Variants in GRAMD1B observed in about 807,000 individuals in gnomAD.
GRAMD1B encodes protein Aster-B.
Under a neutral mutation model 99.7 loss-of-function variants are expected in GRAMD1B, and 37 were observed. The observed-to-expected ratio is 0.37, with a 90% CI of 0.29 to 0.49. The LOEUF (loss-of-function observed/expected upper bound fraction) is 0.49. GRAMD1B is among the 20% of genes least tolerant of loss of function. The pLI, the probability that GRAMD1B is intolerant of heterozygous loss-of-function variation, is 0.98. For synonymous variants in GRAMD1B, 427 were observed against 387.6 expected, an observed-to-expected ratio of 1.10 and a Z score of -1.19; for missense variants, 888 against 1,009.2, an observed-to-expected ratio of 0.88 and a Z score of 1.63.
chr11:123,394,674 C>CAAG (rs1947397542), intron 1 of GRAMD1B, among the ~76,000 whole-genome samples: 1 of 152,204 alleles, frequency 6.6e-6, no homozygotes, highest in Admixed American at 6.5e-5. Flanking sequence ...ATGTACCTGT[C>CAAG]TTGTTCCCTG....
intron 11 of GRAMD1B, 51 bp downstream of exon 11, chr11:123,606,849 T>C: frequency 5.6e-6 from 8 of 1,416,404 alleles, no homozygotes; most frequent in Non-Finnish European, 7.9e-6. Context: ...TTTTGAAGGC[T>C]AAAAGGAGAT....
intron 2 of GRAMD1B, among the ~76,000 whole-genome samples, chr11:123,503,957 A>C: frequency 6.6e-6 from 1 of 152,184 alleles, no homozygotes; most frequent in East Asian, 1.9e-4. Flanking sequence ...AAGCTTAGAG[A>C]AGTTTCATAA....
At chr11:123,408,337 C>T (rs1013800212) in intron 1 of GRAMD1B, among the ~76,000 whole-genome samples, 3 of 152,154 alleles carry the variant, frequency 2.0e-5, no homozygotes, top group Non-Finnish European at 2.9e-5. Flanking sequence ...TCTGGCCCTT[C>T]GTTATGTTTT....
intron 1 of GRAMD1B, among the ~76,000 whole-genome samples, chr11:123,403,969 G>T (rs1053435728): frequency 2.0e-5 from 3 of 152,078 alleles, no homozygotes; most frequent in African/African-American, 7.2e-5. Flanking sequence ...TTCACCTTAC[G>T]TGTCTTTCTT....
intron 1 of GRAMD1B, among the ~76,000 whole-genome samples, chr11:123,397,987 G>A (rs1019634262): frequency 6.6e-6 from 1 of 152,116 alleles, no homozygotes; most frequent in Non-Finnish European, 1.5e-5. Flanking sequence ...TTCACCTGTA[G>A]ACGGACTTTT....
intron 1 of GRAMD1B, among the ~76,000 whole-genome samples, chr11:123,478,797 C>T (rs936945473): frequency 1.6e-4 from 24 of 152,248 alleles, no homozygotes; most frequent in African/African-American, 5.8e-4. Context: ...TTGTGGTTGG[C>T]TTGGTTGAGC....
At chr11:123,583,870 C>T (rs1231214377) in intron 3 of GRAMD1B, among the ~76,000 whole-genome samples, 1 of 152,152 alleles carries the variant, frequency 6.6e-6, no homozygotes, top group East Asian at 1.9e-4. Flanking sequence ...TAGGTAGTCC[C>T]CTTTCTACCT....
In GRAMD1B at chr11:123,613,683, G is replaced by A. The variant is rs369886818; in HGVS notation, c.2227+25G>A. ...GGTGTGTGCCAGGTGGGGACAGGTCGGGTGGACTAAGCTTTGGGCTGGAGC... is the reference window on the plus strand; with the variant it reads ...GGTGTGTGCCAGGTGGGGACAGGTCAGGTGGACTAAGCTTTGGGCTGGAGC... On this transcript the variant is annotated intron_variant, in intron 16 of 19. Coordinates refer to ENST00000635736, the MANE Select transcript of GRAMD1B (RefSeq NM_001387025.1). The A allele has an allele frequency of 4.7e-5, 75 of 1,589,630 alleles. No individual in the cohort carries two copies. In the African/African-American group the frequency reaches 9.0e-4, roughly 19 times the overall value.
rs369854359 is a variant in GRAMD1B, at chr11:123,560,072, C to T, written c.453-17295C>T. ...GAGGGTGAAGAGGAAATAACCCCCC[C>T]CCCCGCAGCCCCAGCGGCTCTGTCC... On this transcript the variant is annotated intron_variant, in intron 2 of 19. Transcript: ENST00000635736. Among the ~76,000 whole-genome samples the T allele has an allele frequency of 3.7e-4, 55 of 150,684 alleles. 1 individual carries two copies. The highest frequency in any genetic ancestry group is 1.0e-3 in the African/African-American group (42 of 40,330).
At chr11:123,456,251 T>TTATC (rs1950112590) in intron 1 of GRAMD1B, among the ~76,000 whole-genome samples, 1 of 152,074 alleles carries the variant, frequency 6.6e-6, no homozygotes, top group Non-Finnish European at 1.5e-5. Flanking sequence ...CTGTTAACAG[T>TTATC]TATCCTTCTT....
chr11:123,388,348 C>T (rs977100002), intron 1 of GRAMD1B, among the ~76,000 whole-genome samples: 4 of 151,590 alleles, frequency 2.6e-5, no homozygotes, highest in Admixed American at 2.0e-4. Flanking sequence ...AAGAAGGAGC[C>T]CACATGAATG....
chr11:123,440,149 G>C (rs923504557), intron 1 of GRAMD1B, among the ~76,000 whole-genome samples: 9 of 152,312 alleles, frequency 5.9e-5, no homozygotes, highest in African/African-American at 1.9e-4. Context: ...TGTCTTAAAA[G>C]GAATCATTTT....
intron 9 of GRAMD1B, 135 bp downstream of exon 9, chr11:123,603,676 C>G: frequency 1.5e-6 from 1 of 676,202 alleles, no homozygotes; most frequent in South Asian, 1.7e-5. Context: ...GGAAAGTGGT[C>G]ACAGGTGAGG....
chr11:123,381,622 A>G (rs1400506773), intron 1 of GRAMD1B: 1 of 152,426 alleles, frequency 6.6e-6, no homozygotes, highest in Admixed American at 6.5e-5. Context: ...GTTCTAATAT[A>G]TAGGTTGAAG....
At chr11:123,490,809 GAGA>G (rs1395138041) in intron 2 of GRAMD1B, among the ~76,000 whole-genome samples, 2 of 152,190 alleles carry the variant, frequency 1.3e-5, no homozygotes, top group Non-Finnish European at 2.9e-5. Context: ...GATCACAGGT[GAGA>G]AGATTACCCT....
At chr11:123,435,296 T>G in intron 1 of GRAMD1B, 1 of 630,370 alleles carries the variant, frequency 1.6e-6, no homozygotes, top group Non-Finnish European at 2.8e-6. Context: ...AGGCTTGCTA[T>G]GAAATTCAGC....
chr11:123,560,559 G>T, intron 2 of GRAMD1B: 1 of 885,266 alleles, frequency 1.1e-6, no homozygotes, highest in African/African-American at 1.8e-5. Flanking sequence ...CAGGGCCCCC[G>T]CTCCCCGCCC....
At chr11:123,448,985 C>T (rs944511196) in intron 1 of GRAMD1B, among the ~76,000 whole-genome samples, 3 of 152,232 alleles carry the variant, frequency 2.0e-5, no homozygotes, top group African/African-American at 7.2e-5. Flanking sequence ...TGCTCTGCCT[C>T]CAGCCAGTCT....
chr11:123,406,698 A>G (rs1947868579), intron 1 of GRAMD1B, among the ~76,000 whole-genome samples: 1 of 152,242 alleles, frequency 6.6e-6, no homozygotes, highest in South Asian at 2.1e-4. Flanking sequence ...ATGAATGACA[A>G]TGAAGACTTC....
Sources: gnomAD v4.1 joint callset for allele counts (sites outside exome capture counted in the v4.1 genomes callset) on GRCh38, gnomAD v4.1.1 for gene constraint, MANE v1.5 for transcripts, NCBI Gene and HGNC (gene_info 2026-07-23, HGNC 2026-07-21) for gene names.